ASMT: variants seen among roughly 807,000 people sequenced by gnomAD.
ASMT encodes the protein acetylserotonin O-methyltransferase, also known as acetylserotonin N-methyltransferase.
Under a neutral mutation model 41.3 loss-of-function variants are expected in ASMT, and 53 were observed. The ratio of observed to expected loss-of-function variants is 1.28; its 90% confidence interval spans 1.03 to 1.61. ASMT has a LOEUF of 1.61. ASMT is among the 40% of genes most tolerant of loss of function. The pLI is 0.00. For missense variants in ASMT, 531 were observed against 441.3 expected, an observed-to-expected ratio of 1.20 and a Z score of -1.82; for synonymous variants, 231 against 184.8, an observed-to-expected ratio of 1.25 and a Z score of -2.03.
At position 1,623,236 on chromosome X, in the gene ASMT, G is replaced by T. The variant is rs761857507; in HGVS notation, c.167G>T (p.Ser56Ile). ...VAAVAAGVRA[S>I]AHGTELLLDI... ...GCAGTGGCTGCAGGTGTGAGGGCCA[G>T]CGCCCATGGGACAGAGCTCCTGCTG... Residue 56 changes from serine (S) to isoleucine (I), a missense_variant, in exon 2 of 9, where the codon AGC becomes ATC. Coordinates refer to ENST00000381241, the MANE Select transcript of ASMT (RefSeq NM_001171038.2). 1 of 1,613,802 alleles carries T rather than the reference G, an allele frequency of 6.2e-7. No homozygotes were observed. The highest frequency in any genetic ancestry group is 2.2e-5 in the East Asian group (1 of 44,868).
At chrX:1,623,996 C>T (rs1184888261) in intron 2 of ASMT, among the ~76,000 whole-genome samples, 2 of 152,066 alleles carry the variant, frequency 1.3e-5, no homozygotes, top group Non-Finnish European at 2.9e-5. Context: ...TACGTTTCCT[C>T]TCGTGGCTCA....
chrX:1,627,908 A>G, intron 4 of ASMT, 137 bp downstream of exon 4: 1 of 852,270 alleles, frequency 1.2e-6, no homozygotes, highest in Non-Finnish European at 2.0e-6. Flanking sequence ...AACATCCCCT[A>G]TCCCCACTAC....
chrX:1,636,910 C>CCG (rs1334217054), intron 8 of ASMT, among the ~76,000 whole-genome samples: 3 of 140,692 alleles, frequency 2.1e-5, no homozygotes, highest in African/African-American at 5.2e-5. Context: ...GTGGGCACAG[C>CCG]CTCTGTGTGT....
At chrX:1,622,211 C>G (rs1366510464) in intron 1 of ASMT, among the ~76,000 whole-genome samples, 2 of 151,454 alleles carry the variant, frequency 1.3e-5, no homozygotes, top group Non-Finnish European at 2.9e-5. Context: ...AGGCTGGTCT[C>G]GAACCCCTGA....
At chrX:1,630,186 T>G (rs28541554) in intron 5 of ASMT, among the ~76,000 whole-genome samples, 4,734 of 151,884 alleles carry the variant, frequency 0.031, 228 homozygotes, top group African/African-American at 0.11. Flanking sequence ...CAGGCTGCAG[T>G]GCAGTGGCAT....
intron 3 of ASMT, 79 bp downstream of exon 3, chrX:1,624,477 G>A (rs1168706377): frequency 1.4e-6 from 2 of 1,462,660 alleles, no homozygotes; most frequent in East Asian, 4.8e-5. Context: ...GCTGCCCCCA[G>A]GCAGATGCTG....
At chrX:1,615,672 C>CGG (rs1934061637) in intron 1 of ASMT, among the ~76,000 whole-genome samples, 2 of 151,822 alleles carry the variant, frequency 1.3e-5, no homozygotes, top group Admixed American at 1.3e-4. Flanking sequence ...CTTGGTGGTA[C>CGG]ATGCCTATAA....
Position 1,615,249 on chromosome X carries a change from A to G in ASMT, c.50A>G (p.Asn17Ser). ...TATCGCCTCCTTAATGACTACGCCA[A>G]CGGCTTCATGGTGTCCCAGGTAGGA... is the stretch of plus-strand genomic sequence containing the variant. ...QAYRLLNDYANGFMVSQVLFA... is the reference protein window; with the variant it reads ...QAYRLLNDYASGFMVSQVLFA... Residue 17 changes from asparagine to serine, a missense_variant, in exon 1 of 9, where the codon AAC becomes AGC. Asn to Ser is a conservative substitution (Grantham distance 46). Transcript: ENST00000381241. 2 of 1,596,398 alleles carry G rather than the reference A, an allele frequency of 1.3e-6. No homozygotes were observed. Among genetic ancestry groups the G allele is most frequent in the Non-Finnish European group, 1.7e-6 (2 of 1,171,488 alleles).
At chrX:1,631,581 T>C (rs1412084781) in intron 5 of ASMT, among the ~76,000 whole-genome samples, 1 of 151,998 alleles carries the variant, frequency 6.6e-6, no homozygotes, top group Non-Finnish European at 1.5e-5. Flanking sequence ...TAGATAGAGT[T>C]CAGGATCCCC....
intron 8 of ASMT, among the ~76,000 whole-genome samples, chrX:1,642,209 C>G (rs762250798): frequency 7.2e-6 from 1 of 138,618 alleles, no homozygotes; most frequent in Non-Finnish European, 1.5e-5. Flanking sequence ...AGTGTTCCAG[C>G]TCTCCTGTGA....
At position 1,642,817 on chromosome X, in the gene ASMT, G is replaced by A; in HGVS notation, c.925G>A (p.Val309Ile). Reference sequence around the variant, plus strand: ...TCCCTTTCTAGGTGGTGGCATTCTGGTAATTGAAAGCCTCCTGGATGAAGA... The same window carrying A: ...TCCCTTTCTAGGTGGTGGCATTCTGATAATTGAAAGCCTCCTGGATGAAGA... ...HTCKPGGGIL[V>I]IESLLDEDRR... Residue 309 changes from valine to isoleucine, a missense_variant, in exon 9 of 9, where the codon GTA becomes ATA. Coordinates refer to ENST00000381241, the MANE Select transcript of ASMT (RefSeq NM_001171038.2). 4 of 1,613,934 alleles carry A rather than the reference G, an allele frequency of 2.5e-6. No individual in the cohort carries two copies. Among genetic ancestry groups the A allele is most frequent in the Non-Finnish European group, 3.4e-6 (4 of 1,179,836 alleles).
intron 7 of ASMT, among the ~76,000 whole-genome samples, chrX:1,636,081 G>A (rs766235935): frequency 1.7e-4 from 25 of 149,876 alleles, no homozygotes; most frequent in African/African-American, 4.4e-4. Context: ...TCAGCCTCCC[G>A]AGTAGCTGGG....
At chrX:1,617,923 C>T (rs1934198602) in intron 1 of ASMT, among the ~76,000 whole-genome samples, 1 of 152,158 alleles carries the variant, frequency 6.6e-6, no homozygotes, top group South Asian at 2.1e-4. Context: ...TTGAAGGGAA[C>T]ACCACATCTT....
At chrX:1,628,252 C>T (rs1159563465) in intron 4 of ASMT, among the ~76,000 whole-genome samples, 8 of 152,260 alleles carry the variant, frequency 5.3e-5, no homozygotes, top group South Asian at 2.1e-4. Flanking sequence ...ACCCGGGAGG[C>T]GGAGGTTGCG....
intron 2 of ASMT, among the ~76,000 whole-genome samples, chrX:1,623,695 G>A (rs767093062): frequency 1.3e-5 from 2 of 152,200 alleles, no homozygotes; most frequent in South Asian, 2.1e-4. Flanking sequence ...CAGGCTGGGG[G>A]ATTCCTTGAG....
At chrX:1,625,104 C>CTTTTTTTT (rs1330663748) in intron 3 of ASMT, among the ~76,000 whole-genome samples, 2 of 127,354 alleles carry the variant, frequency 1.6e-5, no homozygotes, top group African/African-American at 6.1e-5. Flanking sequence ...CTTTTCTTTT[C>CTTTTTTTT]TTTCTTTTTT....
rs752514496 is a variant in ASMT at position 1,642,074 on chromosome X, G to C, written c.911-729G>C. 3.8e-3 allele frequency among the ~76,000 whole-genome samples: 563 copies of C among 148,002 alleles called. 4 individuals carry two copies. The highest frequency in any genetic ancestry group is 0.013 in the African/African-American group (543 of 40,336). On this transcript the variant is annotated intron_variant, in intron 8 of 8. Transcript: ENST00000381241. ...GTCCATCCATCCTGATGGCCCATGA[G>C]GATGTGGGCACAGCCTCTGTGTGTG...
At position 1,623,128 on chromosome X, in the gene ASMT, C is replaced by T. The variant is rs1238996959; in HGVS notation, c.70-11C>T. On this transcript the variant is annotated splice_polypyrimidine_tract_variant and intron_variant, in intron 1 of 8. Coordinates refer to ENST00000381241, the MANE Select transcript of ASMT (RefSeq NM_001171038.2). Reference sequence around the variant, plus strand: ...TGAGCCCTGACCTTTTATTTCCGCTCCTGCTCCAAGGTTCTCTTCGCCGCC... The same window carrying T: ...TGAGCCCTGACCTTTTATTTCCGCTTCTGCTCCAAGGTTCTCTTCGCCGCC... The T allele has an allele frequency of 3.1e-6, 5 of 1,612,246 alleles. No homozygotes were observed. Among genetic ancestry groups the T allele is most frequent in the Admixed American group, 1.7e-5 (1 of 59,996 alleles).
chrX:1,636,786 C>T (rs1453222292), intron 8 of ASMT, among the ~76,000 whole-genome samples: 1 of 152,240 alleles, frequency 6.6e-6, no homozygotes, highest in East Asian at 1.9e-4. Flanking sequence ...TCTGAAACTT[C>T]AGTGGCCTCA....
Sources: allele counts gnomAD v4.1 joint callset (sites outside exome capture counted in the v4.1 genomes callset), GRCh38; gene constraint gnomAD v4.1.1; transcripts MANE v1.5; gene names NCBI Gene and HGNC (gene_info 2026-07-23, HGNC 2026-07-21).